PTH2R: variants seen among roughly 807,000 people sequenced by gnomAD.
PTH2R encodes the protein parathyroid hormone 2 receptor.
PTH2R carries 59 observed loss-of-function variants against 60.3 expected under a neutral mutation model. That is an observed-to-expected ratio of 0.98 (90% CI 0.79 to 1.22). The LOEUF (loss-of-function observed/expected upper bound fraction) is 1.22. Among genes scored for constraint, PTH2R ranks in the 50% most tolerant of loss-of-function variants. PTH2R has a pLI of 0.00. For missense variants in PTH2R, 749 were observed against 682.6 expected (o/e 1.10, Z -1.08); for synonymous variants, 256 against 243.8 (o/e 1.05, Z -0.47).
intron 1 of PTH2R, among the ~76,000 whole-genome samples, chr2:208,414,118 T>C (rs1559212656): frequency 6.6e-6 from 1 of 152,158 alleles, no homozygotes; most frequent in Non-Finnish European, 1.5e-5. Flanking sequence ...CTCAAGAGAC[T>C]TTCCCCCTCC....
intron 7 of PTH2R, among the ~76,000 whole-genome samples, chr2:208,447,637 A>G (rs1441004988): frequency 2.7e-5 from 4 of 150,434 alleles, no homozygotes; most frequent in Admixed American, 6.6e-5. Flanking sequence ...AAATAAATAA[A>G]TAAATAATAG....
intron 9 of PTH2R, among the ~76,000 whole-genome samples, chr2:208,465,569 A>T (rs1043199456): frequency 2.0e-5 from 3 of 150,530 alleles, no homozygotes; most frequent in Non-Finnish European, 3.0e-5. Context: ...TGCCCAGCTA[A>T]TTTTTTTTAT....
chr2:208,441,910 C>T (rs1401994250), intron 4 of PTH2R, among the ~76,000 whole-genome samples: 1 of 152,098 alleles, frequency 6.6e-6, no homozygotes, highest in Non-Finnish European at 1.5e-5. Context: ...ACACTATTTT[C>T]TACTTCTTTT....
chr2:208,398,443 A>G lies in PTH2R; in HGVS notation c.-258-29758A>G, dbSNP rs185329902. Among the ~76,000 whole-genome samples, 33 of 152,330 alleles carry G rather than the reference A, an allele frequency of 2.2e-4. No homozygotes were observed. The East Asian group carries it at 6.4e-3, about 29-fold the overall frequency. ...GTTACTTTTTGTAGCAGCTACTGTC[A>G]ATGTTCCAATCATTTCTGATGATCT... On this transcript the variant is annotated intron_variant, in intron 1 of 12. Coordinates refer to the PTH2R transcript ENST00000617735.
rs1702223418 is a variant in PTH2R at position 208,443,298 on chromosome 2, C to T, written c.510-50C>T. On this transcript the variant is annotated intron_variant, in intron 5 of 12. Transcript: ENST00000272847. ...GGCAGCAGTCGCACTGGGTGTTTCC[C>T]CCATTTTTAATTTTATCCAAATTTA... 9 of 1,459,176 alleles carry T rather than the reference C, an allele frequency of 6.2e-6. No individual in the cohort carries two copies. In the East Asian group the frequency reaches 1.2e-4, roughly 20 times the overall value. 90.4% of individuals were successfully genotyped at this position (1,459,176 alleles called of 1,614,324 possible).
chr2:208,395,793 A>G (rs1263150567), intron 1 of PTH2R, among the ~76,000 whole-genome samples: 2 of 152,240 alleles, frequency 1.3e-5, no homozygotes, highest in Non-Finnish European at 2.9e-5. Context: ...CTTTCTTCAC[A>G]GAACTGGAAA....
intron 11 of PTH2R, 132 bp downstream of exon 11, chr2:208,489,282 G>T: frequency 8.9e-7 from 1 of 1,122,620 alleles, no homozygotes; most frequent in South Asian, 1.6e-5. Context: ...GGTGCAGAAA[G>T]GTCAATATTT....
intron 9 of PTH2R, among the ~76,000 whole-genome samples, chr2:208,479,978 A>AT (rs1486724249): frequency 6.6e-6 from 1 of 152,116 alleles, no homozygotes; most frequent in African/African-American, 2.4e-5. Context: ...CACAACTTTG[A>AT]TTTTCCCCCA....
intron 1 of PTH2R, among the ~76,000 whole-genome samples, chr2:208,389,109 G>GTATT (rs1701059601): frequency 6.6e-6 from 1 of 152,106 alleles, no homozygotes; most frequent in African/African-American, 2.4e-5. Context: ...GCATCAGAGA[G>GTATT]TATTACACAG....
chr2:208,429,108 G>T (rs1701919393), intron 2 of PTH2R, among the ~76,000 whole-genome samples: 1 of 150,338 alleles, frequency 6.7e-6, no homozygotes, highest in Non-Finnish European at 1.5e-5. Context: ...AAAAAGTGTT[G>T]AGACTTAATG....
chr2:208,474,955 C>T (rs1389255095), intron 9 of PTH2R, among the ~76,000 whole-genome samples: 1 of 152,142 alleles, frequency 6.6e-6, no homozygotes, highest in African/African-American at 2.4e-5. Context: ...AAAATGGTAA[C>T]AACTGTAAAT....
chr2:208,485,559 T>G (rs1196267902), intron 10 of PTH2R, among the ~76,000 whole-genome samples: 1 of 152,228 alleles, frequency 6.6e-6, no homozygotes, highest in African/African-American at 2.4e-5. Context: ...CCATGACCCA[T>G]GTACACATTT....
intron 9 of PTH2R, among the ~76,000 whole-genome samples, chr2:208,470,791 G>A (rs1479940056): frequency 6.6e-6 from 1 of 152,200 alleles, no homozygotes; most frequent in Non-Finnish European, 1.5e-5. Flanking sequence ...AACAGGCAGA[G>A]GTTGGAACAG....
intron 2 of PTH2R, among the ~76,000 whole-genome samples, chr2:208,432,305 G>A (rs939287043): frequency 2.6e-5 from 4 of 152,134 alleles, no homozygotes; most frequent in Non-Finnish European, 5.9e-5. Context: ...TTCCCTGTGG[G>A]GTTAATGGCT....
chr2:208,441,803 G>A (rs550170940), intron 4 of PTH2R, among the ~76,000 whole-genome samples: 10 of 152,214 alleles, frequency 6.6e-5, no homozygotes, highest in East Asian at 1.9e-4. Context: ...TATGCGTGTC[G>A]CATCAATATT....
intron 1 of PTH2R, among the ~76,000 whole-genome samples, chr2:208,422,659 C>G (rs1701779490): frequency 6.6e-6 from 1 of 151,978 alleles, no homozygotes; most frequent in South Asian, 2.1e-4. Context: ...AAGAATGCTT[C>G]TTTTTTTAAA....
In PTH2R at chr2:208,430,554, T is replaced by TTC. The variant is rs1267200053; in HGVS notation, c.178+2252_178+2253insCT. On this transcript the variant is annotated intron_variant, in intron 2 of 12. Coordinates refer to ENST00000272847, the MANE Select transcript of PTH2R (RefSeq NM_005048.4). Reference sequence around the variant, plus strand: ...CTTTTTCTGTCTGGCTTCTTTTTTTTTTTTTTTTTTGAGACGGAGTCTCGC... The same window carrying TTC: ...CTTTTTCTGTCTGGCTTCTTTTTTTTTCTTTTTTTTTTGAGACGGAGTCTCGC... 4.2e-3 allele frequency among the ~76,000 whole-genome samples: 572 copies of TTC among 136,486 alleles called. 6 individuals carry two copies. Among genetic ancestry groups the TTC allele is most frequent in the African/African-American group, 0.014 (545 of 37,902 alleles). 89.5% of individuals were successfully genotyped at this position (136,486 alleles called of 152,430 possible).
At chr2:208,469,270 T>C (rs1304924215) in intron 9 of PTH2R, among the ~76,000 whole-genome samples, 2 of 152,244 alleles carry the variant, frequency 1.3e-5, no homozygotes, top group Non-Finnish European at 2.9e-5. Context: ...ACATGTGGCA[T>C]GGTTTTAAGT....
chr2:208,483,092 T>C (rs1211339690), intron 10 of PTH2R, among the ~76,000 whole-genome samples: 1 of 152,224 alleles, frequency 6.6e-6, no homozygotes, highest in Non-Finnish European at 1.5e-5. Context: ...TCCCTGCAGG[T>C]AGTATTTACT....
Sources: gnomAD v4.1 joint callset for allele counts (sites outside exome capture counted in the v4.1 genomes callset) on GRCh38, gnomAD v4.1.1 for gene constraint, MANE v1.5 for transcripts, NCBI Gene and HGNC (gene_info 2026-07-23, HGNC 2026-07-21) for gene names.